TARM1: variants seen among roughly 807,000 people sequenced by gnomAD.
TARM1 encodes the protein T-cell-interacting, activating receptor on myeloid cells protein 1.
A neutral mutation model predicts 30.4 loss-of-function variants in TARM1; 24 were observed. That is an observed-to-expected ratio of 0.79 (90% CI 0.57 to 1.11). The LOEUF (loss-of-function observed/expected upper bound fraction) is 1.11. Ranked by LOEUF, TARM1 falls within the 50% of genes least tolerant of loss-of-function variation. The probability of loss-of-function intolerance (pLI) is 0.00; values close to 1 mark genes in which losing one functional copy is unlikely to be tolerated. For missense variants in TARM1, 323 were observed against 332.8 expected, an observed-to-expected ratio of 0.97 and a Z score of 0.23; for synonymous variants, 129 against 138.9, an observed-to-expected ratio of 0.93 and a Z score of 0.50.
chr19:54,074,299 C>T (rs1425849395), intron 3 of TARM1, 83 bp from the exon 4 acceptor site: 6 of 1,312,260 alleles, frequency 4.6e-6, no homozygotes, highest in African/African-American at 4.4e-5. Flanking sequence ...CGGAGGCTCT[C>T]GTGGAGTGTG....
chr19:54,072,187 TCAAA>T (rs1279697460), intron 4 of TARM1, among the ~76,000 whole-genome samples: 45 of 152,164 alleles, frequency 3.0e-4, no homozygotes, highest in African/African-American at 9.9e-4. Flanking sequence ...AGACTCCGTC[TCAAA>T]CAAACAAACA....
intron 1 of TARM1, among the ~76,000 whole-genome samples, chr19:54,077,623 G>A (rs1256841568): frequency 6.6e-6 from 1 of 151,732 alleles, no homozygotes; most frequent in African/African-American, 2.4e-5. Flanking sequence ...TTCAAGTTTT[G>A]CAAAAGGAAA....
intron 1 of TARM1, among the ~76,000 whole-genome samples, chr19:54,077,818 C>G (rs1437109830): frequency 6.8e-6 from 1 of 146,830 alleles, no homozygotes; most frequent in Non-Finnish European, 1.5e-5. Flanking sequence ...TCTCGGCTCA[C>G]TGCAACCTCC....
Position 54,075,198 on chromosome 19 carries a change from A to ATTC in TARM1, c.71-85_71-84insGAA, listed in dbSNP as rs2071918642. The ATTC allele has an allele frequency of 4.2e-6, 5 of 1,202,414 alleles. No homozygotes were observed. The South Asian group carries it at 9.8e-5, about 24-fold the overall frequency. 74.5% of individuals were successfully genotyped at this position (1,202,414 alleles called of 1,614,324 possible). ...CTTTTTAAAATTTATTATTATTATT[A>ATTC]TTATTTTGAGATGGAGTCTCCCTCT... On this transcript the variant is annotated intron_variant, in intron 2 of 4. Transcript: ENST00000432826.
chr19:54,079,709 G>A (rs191074171), intron 1 of TARM1, among the ~76,000 whole-genome samples: 21 of 151,426 alleles, frequency 1.4e-4, no homozygotes, highest in East Asian at 1.4e-3. Flanking sequence ...AAAATTACAC[G>A]GGGCACTGTG....
chr19:54,078,414 T>C (rs1250535538), intron 1 of TARM1, among the ~76,000 whole-genome samples: 2 of 151,580 alleles, frequency 1.3e-5, no homozygotes, highest in African/African-American at 4.8e-5. Flanking sequence ...GTTTCGCTCT[T>C]GTTGCCCAGA....
At chr19:54,073,853 A>G (rs749204228) in intron 4 of TARM1, 67 bp downstream of exon 4, 16 of 1,485,174 alleles carry the variant, frequency 1.1e-5, no homozygotes, top group Non-Finnish European at 1.5e-5. Flanking sequence ...TGAGATTCAC[A>G]GAAGAACAAA....
At chr19:54,073,789 G>A (rs1270282579) in intron 4 of TARM1, 131 bp downstream of exon 4, 1 of 1,218,820 alleles carries the variant, frequency 8.2e-7, no homozygotes, top group Non-Finnish European at 1.1e-6. Context: ...CACCACGCCA[G>A]GCCAGAAAGG....
At chr19:54,075,420 A>G (rs2071925262) in intron 2 of TARM1, among the ~76,000 whole-genome samples, 1 of 151,362 alleles carries the variant, frequency 6.6e-6, no homozygotes, top group Non-Finnish European at 1.5e-5. Context: ...TCCTGACCTC[A>G]GGTGATCCAC....
rs752443981 is a variant in TARM1, at chr19:54,075,081, G to C, written c.104C>G (p.Pro35Arg). ...GCTGTTGGCAGGGACCACCGAGCTG[G>C]GCCAGGCACTGAGGGACGGCTTGGG... is the stretch of plus-strand genomic sequence containing the variant. ...SLPKPSLSAW[P>R]SSVVPANSNV... The change falls in exon 3 of 5, where the codon CCC becomes CGC. Residue 35 changes from proline (P) to arginine (R), a missense_variant. Transcript: ENST00000432826. 25 of 1,551,336 alleles carry C rather than the reference G, an allele frequency of 1.6e-5. No individual in the cohort carries two copies. In the Middle Eastern group the frequency reaches 5.0e-4, roughly 31 times the overall value.
chr19:54,080,134 AGG>A (rs1491409703), intron 1 of TARM1, among the ~76,000 whole-genome samples: 13 of 69,506 alleles, frequency 1.9e-4, no homozygotes, highest in African/African-American at 5.3e-4. Flanking sequence ...GAAGGAAGGA[AGG>A]AAGAAAGCAA....
chr19:54,075,835 G>T (rs1468621004), intron 2 of TARM1, 48 bp downstream of exon 2: 2 of 1,539,774 alleles, frequency 1.3e-6, no homozygotes, highest in Admixed American at 3.9e-5. Context: ...GAACAGCAGG[G>T]GATTTGGGAT....
At chr19:54,074,265 C>T (rs747077097) in intron 3 of TARM1, 49 bp from the exon 4 acceptor site, 1 of 1,496,136 alleles carries the variant, frequency 6.7e-7, no homozygotes, top group African/African-American at 1.4e-5. Flanking sequence ...TCTGGAATCC[C>T]CCACTCACCC....
chr19:54,075,789 C>CAAA, intron 2 of TARM1, 94 bp downstream of exon 2: 1 of 1,162,410 alleles, frequency 8.6e-7, no homozygotes, highest in African/African-American at 1.6e-5. Flanking sequence ...GAGACTCCGT[C>CAAA]AAAAAAAAAA....
chr19:54,070,127 A>G lies in TARM1; in HGVS notation c.692T>C (p.Leu231Pro). Residue 231 changes from leucine (L) to proline (P), a missense_variant, in exon 5 of 5, where the codon CTG becomes CCG. By Grantham distance (98) the Leu-to-Pro change is moderately conservative (BLOSUM62 -3). Coordinates refer to ENST00000432826, the MANE Select transcript of TARM1 (RefSeq NM_001135686.3). ...CAGACCCAGTCGTACGAAGTTACCCAGGGAGTAGTTGCTCGATGTGGTACC... is the reference window on the plus strand; with the variant it reads ...CAGACCCAGTCGTACGAAGTTACCCGGGGAGTAGTTGCTCGATGTGGTACC... ...PPGTTSSNYS[L>P]GNFVRLGLAA... is the part of the protein sequence containing the mutation. 6.4e-7 allele frequency: 1 copy of G among 1,551,690 alleles called. No homozygotes were observed. Among genetic ancestry groups the G allele is most frequent in the Non-Finnish European group, 8.7e-7 (1 of 1,146,990 alleles).
chr19:54,076,156 C>T (rs2071945102), intron 1 of TARM1: 2 of 1,491,420 alleles, frequency 1.3e-6, no homozygotes, highest in African/African-American at 1.4e-5. Flanking sequence ...CCCCCTGCTC[C>T]AGGCCTTTCC....
chr19:54,075,972 C>A (rs1323708542), intron 1 of TARM1, 54 bp from the exon 2 acceptor site: 42 of 1,543,444 alleles, frequency 2.7e-5, no homozygotes, highest in Non-Finnish European at 3.6e-5. Context: ...CACGTCACCC[C>A]CTGCCCTGAC....
intron 1 of TARM1, chr19:54,076,687 T>A: frequency 6.5e-6 from 1 of 153,068 alleles, no homozygotes; most frequent in Non-Finnish European, 1.5e-5. Context: ...ATTTTTCATT[T>A]TATTATTGTG....
intron 1 of TARM1, among the ~76,000 whole-genome samples, chr19:54,080,586 AAG>A (rs2072106712): frequency 2.0e-5 from 3 of 151,756 alleles, no homozygotes; most frequent in South Asian, 4.2e-4. Context: ...GGAAGAAAGA[AAG>A]AGGTTTTAGT....
Sources: allele counts gnomAD v4.1 joint callset (sites outside exome capture counted in the v4.1 genomes callset), GRCh38; gene constraint gnomAD v4.1.1; transcripts MANE v1.5; gene names NCBI Gene and HGNC (gene_info 2026-07-23, HGNC 2026-07-21).